The following FRMD4B variants were observed in gnomAD, a reference collection of about 807,000 sequenced individuals.
The protein encoded by FRMD4B is FERM domain-containing protein 4B.
A neutral mutation model predicts 141.5 loss-of-function variants in FRMD4B; 74 were observed. The observed-to-expected ratio is 0.52, with a 90% CI of 0.43 to 0.63. FRMD4B has a LOEUF of 0.63. FRMD4B is among the 30% of genes least tolerant of loss of function. The pLI is 0.00. For synonymous variants in FRMD4B, 506 were observed against 467.9 expected, an observed-to-expected ratio of 1.08 and a Z score of -1.05; for missense variants, 1,366 against 1,253.4, an observed-to-expected ratio of 1.09 and a Z score of -1.36.
At chr3:69,354,384 G>A (rs1703252513) in intron 1 of FRMD4B, among the ~76,000 whole-genome samples, 3 of 152,082 alleles carry the variant, frequency 2.0e-5, no homozygotes, top group African/African-American at 7.2e-5. Context: ...GTTTGTGACA[G>A]GGTATCATGC....
intron 1 of FRMD4B, among the ~76,000 whole-genome samples, chr3:69,498,004 A>G (rs1344956393): frequency 6.6e-6 from 1 of 152,208 alleles, no homozygotes; most frequent in Non-Finnish European, 1.5e-5. Context: ...CTGTTAAGAC[A>G]TTACTTTTTA....
Position 69,281,838 on chromosome 3 carries a change from A to AATATAT in FRMD4B, c.501+5908_501+5913dup, listed in dbSNP as rs1553715922. On this transcript the variant is annotated intron_variant, in intron 5 of 22. Transcript: ENST00000398540. The stretch of plus-strand genomic sequence containing the variant: ...GACTCCGTCTCAAAAAAAAAAAAAA[A>AATATAT]ATATATATATATATTTTTGCTTACA... 3.5e-3 allele frequency among the ~76,000 whole-genome samples: 449 copies of AATATAT among 128,174 alleles called. 2 individuals are homozygous for AATATAT. The highest frequency in any genetic ancestry group is 6.5e-3 in the South Asian group (24 of 3,704). 84.1% of individuals were successfully genotyped at this position (128,174 alleles called of 152,430 possible). A position where few individuals can be genotyped will look rare whatever the true frequency, so the allele number is the denominator to read the frequency against.
In FRMD4B at chr3:69,386,028, C is replaced by T. The variant is rs200537325; in HGVS notation, c.-39G>A. The T allele has an allele frequency of 6.5e-4, 991 of 1,523,904 alleles. 8 individuals carry two copies. The African/African-American group carries it at 0.013, about 20-fold the overall frequency. The allele number at this position is 1,523,904 out of a possible 1,614,324, so 94.4% of individuals were successfully genotyped here. A position where few individuals can be genotyped will look rare whatever the true frequency, so the allele number is the denominator to read the frequency against. ...CTCTGAACCCGGGCGTCCCGGCTCT[C>T]GTACGTGCAGCCCCGACCCCAGCGG... On this transcript the variant is annotated 5_prime_UTR_variant, in exon 1 of 23. Coordinates refer to ENST00000398540, the MANE Select transcript of FRMD4B (RefSeq NM_015123.3).
intron 11 of FRMD4B, among the ~76,000 whole-genome samples, chr3:69,215,357 A>G (rs916524745): frequency 8.1e-6 from 1 of 123,646 alleles, no homozygotes; most frequent in Admixed American, 1.1e-4. Context: ...CGGTGGCACA[A>G]TCTTGTCTCA....
At chr3:69,268,268 G>A (rs993495010) in intron 5 of FRMD4B, among the ~76,000 whole-genome samples, 4 of 151,964 alleles carry the variant, frequency 2.6e-5, no homozygotes, top group Non-Finnish European at 5.9e-5. Flanking sequence ...GAGGTGTGGC[G>A]ATCTATGGCT....
intron 1 of FRMD4B, among the ~76,000 whole-genome samples, chr3:69,440,501 C>T (rs1269078485): frequency 6.6e-6 from 1 of 152,138 alleles, no homozygotes; most frequent in East Asian, 1.9e-4. Flanking sequence ...TCACAAAACT[C>T]CCTTATTAAA....
At chr3:69,237,554 G>A (rs1279279951) in intron 7 of FRMD4B, among the ~76,000 whole-genome samples, 1 of 152,142 alleles carries the variant, frequency 6.6e-6, no homozygotes, top group Non-Finnish European at 1.5e-5. Flanking sequence ...AGCATGCAAA[G>A]AAGGCCTTCA....
chr3:69,539,388 G>A (rs1392899928), intron 1 of FRMD4B, among the ~76,000 whole-genome samples: 1 of 152,182 alleles, frequency 6.6e-6, no homozygotes, highest in East Asian at 1.9e-4. Flanking sequence ...TGACACTTGG[G>A]AGTGGCTGTG....
At chr3:69,433,624 C>T (rs1196893099) in intron 1 of FRMD4B, among the ~76,000 whole-genome samples, 1 of 152,206 alleles carries the variant, frequency 6.6e-6, no homozygotes, top group African/African-American at 2.4e-5. Context: ...CACCTTTGCC[C>T]TCTCTCTCCT....
intron 1 of FRMD4B, among the ~76,000 whole-genome samples, chr3:69,357,229 T>C (rs1703350183): frequency 6.6e-6 from 1 of 152,160 alleles, no homozygotes; most frequent in African/African-American, 2.4e-5. Flanking sequence ...GGGTCCCAGA[T>C]AACTGGCATT....
intron 1 of FRMD4B, among the ~76,000 whole-genome samples, chr3:69,443,399 T>A (rs1430987527): frequency 1.3e-5 from 2 of 152,190 alleles, no homozygotes; most frequent in Admixed American, 6.5e-5. Context: ...TTTGTCTGTA[T>A]CCTTTATAAT....
intron 5 of FRMD4B, among the ~76,000 whole-genome samples, chr3:69,251,431 C>T (rs527448045): frequency 3.9e-5 from 6 of 152,198 alleles, no homozygotes; most frequent in South Asian, 2.1e-4. Flanking sequence ...CAGGTTTCCA[C>T]GTGATTTGAA....
chr3:69,359,767 T>C (rs1404688354), intron 1 of FRMD4B, among the ~76,000 whole-genome samples: 3 of 152,218 alleles, frequency 2.0e-5, no homozygotes, highest in East Asian at 1.9e-4. Context: ...GGTTTTACCA[T>C]AAGGCACGTG....
chr3:69,455,992 G>A lies in FRMD4B; in HGVS notation c.-128-23231C>T, dbSNP rs1705601838. On this transcript the variant is annotated intron_variant, in intron 1 of 5. Coordinates refer to the FRMD4B transcript ENST00000459638. Reference sequence around the variant, plus strand: ...GCCATCAGTTCCATTTTGCTTTGAGGCTTAATTCAGATTATGCACATCAAG... The same window carrying A: ...GCCATCAGTTCCATTTTGCTTTGAGACTTAATTCAGATTATGCACATCAAG... 2.0e-5 allele frequency among the ~76,000 whole-genome samples: 3 copies of A among 152,246 alleles called. No individual in the cohort carries two copies. The South Asian group carries it at 6.2e-4, about 32-fold the overall frequency.
chr3:69,192,413 C>G (rs912201017), intron 17 of FRMD4B, among the ~76,000 whole-genome samples: 1 of 151,944 alleles, frequency 6.6e-6, no homozygotes, highest in Non-Finnish European at 1.5e-5. Flanking sequence ...CAAAAAAACC[C>G]AAAACTATCC....
rs113936093 is a variant in FRMD4B, at chr3:69,346,635, G to T, written c.163-33118C>A. ...CCATCAGACTAATAGGGGATCTCTC[G>T]GCAGAAACTCTACAAGCCAGAAGAG... On this transcript the variant is annotated intron_variant, in intron 1 of 22. Coordinates refer to ENST00000398540, the MANE Select transcript of FRMD4B (RefSeq NM_015123.3). Among the ~76,000 whole-genome samples the T allele has an allele frequency of 1.5e-4, 23 of 152,122 alleles. No individual in the cohort carries two copies. The South Asian group carries it at 4.4e-3, about 29-fold the overall frequency.
chr3:69,335,591 T>C (rs1702519423), intron 1 of FRMD4B, among the ~76,000 whole-genome samples: 1 of 151,436 alleles, frequency 6.6e-6, no homozygotes, highest in African/African-American at 2.4e-5. Context: ...GTTGGGATTA[T>C]GGGCATGAGC....
intron 7 of FRMD4B, among the ~76,000 whole-genome samples, chr3:69,239,247 A>C (rs570896595): frequency 1.2e-4 from 19 of 152,238 alleles, no homozygotes; most frequent in Admixed American, 3.9e-4. Flanking sequence ...CATTCTACCA[A>C]AGATGCATCC....
chr3:69,222,467 C>CAAAA (rs11293743), intron 8 of FRMD4B, among the ~76,000 whole-genome samples: 8 of 94,976 alleles, frequency 8.4e-5, no homozygotes, highest in East Asian at 3.4e-4. Context: ...AAATCCATCT[C>CAAAA]AAAAAAAAAA....
Sources: gnomAD v4.1 joint callset for allele counts (sites outside exome capture counted in the v4.1 genomes callset) on GRCh38, gnomAD v4.1.1 for gene constraint, MANE v1.5 for transcripts, NCBI Gene and HGNC (gene_info 2026-07-23, HGNC 2026-07-21) for gene names.